Variants in PRKG1 observed in about 807,000 individuals in gnomAD.
The protein encoded by PRKG1 is protein kinase cGMP-dependent 1.
Under a neutral mutation model 88.1 loss-of-function variants are expected in PRKG1, and 35 were observed. The observed-to-expected ratio is 0.40, with a 90% CI of 0.30 to 0.53. The LOEUF is 0.53. Ranked by LOEUF, PRKG1 falls within the 20% of genes least tolerant of loss-of-function variation. The probability of loss-of-function intolerance (pLI) is 0.59; values close to 1 mark genes in which losing one functional copy is unlikely to be tolerated. For synonymous variants in PRKG1, 303 were observed against 292.5 expected (o/e 1.04, Z -0.37); for missense variants, 540 against 839.8 (o/e 0.64, Z 4.41).
At chr10:52,051,119 C>T (rs553269225) in intron 5 of PRKG1, among the ~76,000 whole-genome samples, 1 of 152,196 alleles carries the variant, frequency 6.6e-6, no homozygotes, top group Non-Finnish European at 1.5e-5. Flanking sequence ...CTTACTTTCG[C>T]TCATTTTAAT....
chr10:51,625,861 C>A (rs1420301348), intron 3 of PRKG1, among the ~76,000 whole-genome samples: 1 of 152,148 alleles, frequency 6.6e-6, no homozygotes, highest in Non-Finnish European at 1.5e-5. Context: ...TGGGTTATAG[C>A]TTTTCTCCCA....
intron 2 of PRKG1, among the ~76,000 whole-genome samples, chr10:51,211,090 A>G (rs1838204781): frequency 6.6e-6 from 1 of 152,248 alleles, no homozygotes; most frequent in South Asian, 2.1e-4. Flanking sequence ...AAACGAATCC[A>G]GCAACACATC....
At chr10:52,079,430 A>G (rs1244599418) in intron 7 of PRKG1, among the ~76,000 whole-genome samples, 1 of 152,082 alleles carries the variant, frequency 6.6e-6, no homozygotes, top group East Asian at 1.9e-4. Flanking sequence ...GAAAAAAAGA[A>G]TCTTTGGGGT....
chr10:51,063,843 G>C (rs1564586015), intron 1 of PRKG1, among the ~76,000 whole-genome samples: 1 of 152,070 alleles, frequency 6.6e-6, no homozygotes, highest in Admixed American at 6.5e-5. Context: ...TAGAACATTT[G>C]GACAGTAGAG....
At chr10:51,928,886 A>G (rs1352082664) in intron 5 of PRKG1, among the ~76,000 whole-genome samples, 1 of 152,194 alleles carries the variant, frequency 6.6e-6, no homozygotes, top group African/African-American at 2.4e-5. Context: ...ATACTTCACT[A>G]TTAAGTTATT....
intron 2 of PRKG1, among the ~76,000 whole-genome samples, chr10:51,358,776 A>ACT (rs1403892508): frequency 1.3e-4 from 20 of 151,806 alleles, no homozygotes; most frequent in African/African-American, 4.6e-4. Context: ...ACTGTCATAG[A>ACT]CTCTTGTTCA....
intron 2 of PRKG1, among the ~76,000 whole-genome samples, chr10:51,432,013 A>T (rs1414784951): frequency 6.6e-6 from 1 of 152,138 alleles, no homozygotes; most frequent in Non-Finnish European, 1.5e-5. Flanking sequence ...AATTAGGTAA[A>T]ACACTCTTTA....
chr10:51,777,848 T>C (rs1176485730), intron 3 of PRKG1, among the ~76,000 whole-genome samples: 2 of 152,216 alleles, frequency 1.3e-5, no homozygotes, highest in East Asian at 1.9e-4. Flanking sequence ...ATACTGTAGT[T>C]GGAATTGTAT....
chr10:51,007,258 T>C (rs1212540679), intron 1 of PRKG1, among the ~76,000 whole-genome samples: 2 of 152,186 alleles, frequency 1.3e-5, no homozygotes, highest in African/African-American at 4.8e-5. Flanking sequence ...CCTGAGATTC[T>C]TAATTTGTAG....
At chr10:51,399,184 A>G (rs1436948756) in intron 2 of PRKG1, among the ~76,000 whole-genome samples, 2 of 151,906 alleles carry the variant, frequency 1.3e-5, no homozygotes, top group East Asian at 1.9e-4. Flanking sequence ...TTATATATTA[A>G]TATTATATGA....
At chr10:51,814,356 A>C (rs911198420) in intron 4 of PRKG1, among the ~76,000 whole-genome samples, 1 of 152,180 alleles carries the variant, frequency 6.6e-6, no homozygotes, top group Admixed American at 6.5e-5. Flanking sequence ...CCCTTTCCCC[A>C]TATTTTTCTT....
chr10:51,139,702 A>G (rs891130973), intron 1 of PRKG1, among the ~76,000 whole-genome samples: 2 of 152,172 alleles, frequency 1.3e-5, no homozygotes, highest in Admixed American at 1.3e-4. Flanking sequence ...TCTCACTTCT[A>G]TTCCTCTCTG....
intron 2 of PRKG1, among the ~76,000 whole-genome samples, chr10:51,346,370 G>A (rs1415213380): frequency 1.3e-5 from 2 of 152,162 alleles, no homozygotes; most frequent in Non-Finnish European, 2.9e-5. Context: ...ATGAAAATAT[G>A]TATTATACAC....
intron 1 of PRKG1, among the ~76,000 whole-genome samples, chr10:51,095,087 A>G (rs754982880): frequency 6.6e-6 from 1 of 152,164 alleles, no homozygotes; most frequent in Non-Finnish European, 1.5e-5. Context: ...AAAAGTTGCA[A>G]AATGTACCCC....
intron 2 of PRKG1, among the ~76,000 whole-genome samples, chr10:51,381,439 G>T (rs907333692): frequency 6.6e-6 from 1 of 151,868 alleles, no homozygotes; most frequent in African/African-American, 2.4e-5. Flanking sequence ...TGCTTCTCTT[G>T]GTGCAGTGAT....
rs766893884 is a variant in PRKG1, at chr10:52,293,983, A to C, written c.*83A>C. ...GCCAGCAAACCTGAGGGAAAGAGAG[A>C]AGATTAGTGCTCGGGGTCACCATGA... On this transcript the variant is annotated 3_prime_UTR_variant, in exon 18 of 18. Transcript: ENST00000373980. 91 of 1,173,986 alleles carry C rather than the reference A, an allele frequency of 7.8e-5. No homozygotes were observed. The highest frequency in any genetic ancestry group is 1.5e-4 in the Admixed American group (8 of 53,258). 72.7% of individuals were successfully genotyped at this position (1,173,986 alleles called of 1,614,324 possible).
intron 3 of PRKG1, among the ~76,000 whole-genome samples, chr10:51,796,567 AG>A (rs1839017329): frequency 6.6e-6 from 1 of 152,104 alleles, no homozygotes; most frequent in Non-Finnish European, 1.5e-5. Flanking sequence ...GCTTGATAAA[AG>A]TTTAGCACAG....
At chr10:51,549,120 CTTTTTTTTTTTT>C (rs56045527) in intron 3 of PRKG1, among the ~76,000 whole-genome samples, 2 of 70,336 alleles carry the variant, frequency 2.8e-5, no homozygotes, top group East Asian at 1.1e-3. Flanking sequence ...CTTTTCTTTT[CTTTTTTTTTTTT>C]TTTTTTTTTG....
At chr10:51,157,792 A>G (rs1379251629) in intron 2 of PRKG1, among the ~76,000 whole-genome samples, 1 of 151,444 alleles carries the variant, frequency 6.6e-6, no homozygotes, top group Non-Finnish European at 1.5e-5. Flanking sequence ...AACTTTTTCG[A>G]TGAAATCATC....
Sources: gnomAD v4.1 joint callset for allele counts (sites outside exome capture counted in the v4.1 genomes callset) on GRCh38, gnomAD v4.1.1 for gene constraint, MANE v1.5 for transcripts, NCBI Gene and HGNC (gene_info 2026-07-23, HGNC 2026-07-21) for gene names.